Variants in ZNF460 observed in about 807,000 individuals in gnomAD.
ZNF460 encodes the protein zinc finger protein 272.
Under a neutral mutation model 8.4 loss-of-function variants are expected in ZNF460, and 1 was observed. The observed-to-expected ratio is 0.12, with a 90% CI of 0.04 to 0.56. ZNF460 has a LOEUF of 0.56. Ranked by LOEUF, ZNF460 falls within the 20% of genes least tolerant of loss-of-function variation. The pLI is 0.91. For synonymous variants in ZNF460, 262 were observed against 259.9 expected (o/e 1.01, Z -0.08); for missense variants, 477 against 714.8 (o/e 0.67, Z 3.79).
Position 57,291,789 on chromosome 19 carries a change from A to T in ZNF460, c.1248A>T (p.Gly416=), listed in dbSNP as rs1037856368. The change falls in exon 3 of 3, where the codon GGA becomes GGT. Residue 416 remains glycine (G), a synonymous_variant. Transcript: ENST00000360338. This position sits in a 1 kb window ranked among gnomAD's most constrained non-coding sequence, Gnocchi z 8.4. ...TTCGACACTTCAACATCCACACTGGAGAGAAGCCCTATGAGTGTTTACAGT... is the reference window on the plus strand; with the variant it reads ...TTCGACACTTCAACATCCACACTGGTGAGAAGCCCTATGAGTGTTTACAGT... ...DLIRHFNIHT[G]EKPYECLQCG... 6.2e-7 allele frequency: 1 copy of T among 1,614,162 alleles called. No homozygotes were observed. Among genetic ancestry groups the T allele is most frequent in the Non-Finnish European group, 8.5e-7 (1 of 1,180,032 alleles).
At chr19:57,289,957 A>C (rs964037975) in intron 2 of ZNF460, among the ~76,000 whole-genome samples, 1 of 151,956 alleles carries the variant, frequency 6.6e-6, no homozygotes, top group African/African-American at 2.4e-5. Context: ...TCTGGCCAAC[A>C]TGGTGAGACC....
intron 2 of ZNF460, among the ~76,000 whole-genome samples, chr19:57,286,228 T>C (rs915476294): frequency 6.6e-6 from 1 of 152,216 alleles, no homozygotes; most frequent in African/African-American, 2.4e-5. Context: ...ATGTGCTCAC[T>C]TTTTGTCTGT....
At chr19:57,287,003 C>A (rs977612770) in intron 2 of ZNF460, among the ~76,000 whole-genome samples, 1 of 149,314 alleles carries the variant, frequency 6.7e-6, no homozygotes, top group Admixed American at 6.7e-5. Flanking sequence ...TGAATTTTTG[C>A]TTATGTATAA....
At position 57,284,514 on chromosome 19, in the gene ZNF460, G is replaced by A. The variant is rs926889265; in HGVS notation, c.31-37G>A. ...CAGGTTCTAATCCTATTCCACAGTT[G>A]CAAAGGAAACATTACTGGTTCTTTT... On this transcript the variant is annotated intron_variant, in intron 1 of 2. Coordinates refer to ENST00000360338, the MANE Select transcript of ZNF460 (RefSeq NM_006635.4). 1.9e-6 allele frequency: 3 copies of A among 1,602,708 alleles called. No individual in the cohort carries two copies. In the Admixed American group the frequency reaches 5.2e-5, roughly 28 times the overall value.
chr19:57,285,687 A>T (rs1277174944), intron 2 of ZNF460, among the ~76,000 whole-genome samples: 1 of 152,142 alleles, frequency 6.6e-6, no homozygotes, highest in African/African-American at 2.4e-5. Flanking sequence ...TATGTGGCCA[A>T]ATCGCTATTT....
At chr19:57,283,502 C>CTTTTTTTTTTTTTT (rs926242067) in intron 1 of ZNF460, among the ~76,000 whole-genome samples, 1 of 68,550 alleles carries the variant, frequency 1.5e-5, no homozygotes, top group Non-Finnish European at 2.5e-5. Flanking sequence ...TTTGACTATT[C>CTTTTTTTTTTTTTT]TTTTTTTTTT....
At chr19:57,287,574 T>C (rs1277829708) in intron 2 of ZNF460, among the ~76,000 whole-genome samples, 3 of 152,136 alleles carry the variant, frequency 2.0e-5, no homozygotes, top group Non-Finnish European at 4.4e-5. Context: ...CTTCCCTCCT[T>C]GGCCTCCTAA....
chr19:57,292,336 A>T lies in ZNF460; in HGVS notation c.*106A>T. 6 of 1,184,466 alleles carry T rather than the reference A, an allele frequency of 5.1e-6. No homozygotes were observed. Among genetic ancestry groups the T allele is most frequent in the Non-Finnish European group, 7.1e-6 (6 of 842,488 alleles). 73.4% of individuals were successfully genotyped at this position (1,184,466 alleles called of 1,614,324 possible). A position where few individuals can be genotyped will look rare whatever the true frequency, so the allele number is the denominator to read the frequency against. On this transcript the variant is annotated 3_prime_UTR_variant, in exon 3 of 3. Transcript: ENST00000360338. ...ACTGAAGAAAATCTGTGGTGAGAGG[A>T]AACATCTTACCATCTGGTCATTCAT...
intron 1 of ZNF460, 101 bp from the exon 2 acceptor site, chr19:57,284,450 C>T: frequency 6.9e-7 from 1 of 1,452,994 alleles, no homozygotes; most frequent in African/African-American, 1.4e-5. Flanking sequence ...GGTGATTTGG[C>T]CTTTGATTCT....
At chr19:57,281,034 A>T (rs1051277875) in intron 1 of ZNF460, among the ~76,000 whole-genome samples, 198 bp downstream of exon 1, 5 of 152,136 alleles carry the variant, frequency 3.3e-5, no homozygotes, top group African/African-American at 1.2e-4. Context: ...TCCGTGGTTG[A>T]AGGAGTGATG....
At chr19:57,284,823 T>TTC in intron 2 of ZNF460, 146 bp downstream of exon 2, 1 of 1,017,592 alleles carries the variant, frequency 9.8e-7, no homozygotes, top group Non-Finnish European at 1.3e-6. Flanking sequence ...ATTTTTTTTT[T>TTC]TTTTTTTTTG....
Position 57,291,458 on chromosome 19 carries a change from A to T in ZNF460, c.917A>T (p.Lys306Ile). The T allele has an allele frequency of 6.2e-7, 1 of 1,614,020 alleles. No homozygotes were observed. Among genetic ancestry groups the T allele is most frequent in the Non-Finnish European group, 8.5e-7 (1 of 1,179,922 alleles). The change falls in exon 3 of 3, where the codon AAA becomes ATA. Residue 306 changes from lysine to isoleucine, a missense_variant. By Grantham distance (102) the Lys-to-Ile change is moderately radical. Transcript: ENST00000360338. The surrounding 1 kb of genome is among the most constrained non-coding windows in gnomAD (Gnocchi z 8.4). Reference protein sequence around the residue: ...VLHNKSHNEKKPFACSECGKG... With the variant: ...VLHNKSHNEKIPFACSECGKG... ...CATAACAAGAGCCACAATGAGAAGA[A>T]ACCCTTCGCATGCAGCGAATGTGGA...
At chr19:57,282,434 G>A (rs760596015) in intron 1 of ZNF460, among the ~76,000 whole-genome samples, 1 of 152,156 alleles carries the variant, frequency 6.6e-6, no homozygotes, top group East Asian at 1.9e-4. Context: ...AAAAGGAAGC[G>A]ATGGCTCATT....
In ZNF460 at chr19:57,292,400, A is replaced by T. The variant is rs2087925330; in HGVS notation, c.*170A>T. On this transcript the variant is annotated 3_prime_UTR_variant, in exon 3 of 3. Coordinates refer to ENST00000360338, the MANE Select transcript of ZNF460 (RefSeq NM_006635.4). ...TCCATAAGTATCATCTCTGTGGGAAAACCTGTTTTAGATCATCATTTGTCA... is the reference window on the plus strand; with the variant it reads ...TCCATAAGTATCATCTCTGTGGGAATACCTGTTTTAGATCATCATTTGTCA... 1 of 694,400 alleles carries T rather than the reference A, an allele frequency of 1.4e-6. No individual in the cohort carries two copies. The highest frequency in any genetic ancestry group is 1.8e-5 in the African/African-American group (1 of 55,918). 43.0% of individuals were successfully genotyped at this position (694,400 alleles called of 1,614,324 possible). A position where few individuals can be genotyped will look rare whatever the true frequency, so the allele number is the denominator to read the frequency against.
chr19:57,283,559 T>G (rs1191231092), intron 1 of ZNF460, among the ~76,000 whole-genome samples: 1 of 130,920 alleles, frequency 7.6e-6, no homozygotes, highest in Non-Finnish European at 1.5e-5. Flanking sequence ...TGGAGTACAG[T>G]GACACAGTCT....
In ZNF460 at chr19:57,293,776, C is replaced by T. The variant is rs1344023170; in HGVS notation, c.*1546C>T. On this transcript the variant is annotated 3_prime_UTR_variant, in exon 3 of 3. Coordinates refer to ENST00000360338, the MANE Select transcript of ZNF460 (RefSeq NM_006635.4). ...TTTGTTAACCAATCTCTATCTGCCT[C>T]TCTGCTGTCCTTCCCAGCCTCTGGT... 3.9e-5 allele frequency: 6 copies of T among 152,200 alleles called. No homozygotes were observed. Among genetic ancestry groups the T allele is most frequent in the Admixed American group, 2.0e-4 (3 of 15,276 alleles). The allele number at this position is 152,200 out of a possible 1,614,324, so 9.4% of individuals were successfully genotyped here. A position where few individuals can be genotyped will look rare whatever the true frequency, so the allele number is the denominator to read the frequency against.
chr19:57,289,445 C>T (rs976653761), intron 2 of ZNF460, among the ~76,000 whole-genome samples: 2 of 152,166 alleles, frequency 1.3e-5, no homozygotes, highest in African/African-American at 4.8e-5. Flanking sequence ...TGTCCTAAGG[C>T]TAATATGTCC....
Position 57,280,511 on chromosome 19 carries a change from G to A in ZNF460, c.-296G>A, listed in dbSNP as rs1452180805. ...AAACAGTGTGGGGCCTAGAGCGCTGGGTGGGCGCGTTCTGCGGCCTGAGCA... is the reference window on the plus strand; with the variant it reads ...AAACAGTGTGGGGCCTAGAGCGCTGAGTGGGCGCGTTCTGCGGCCTGAGCA... On this transcript the variant is annotated 5_prime_UTR_variant, in exon 1 of 3. Transcript: ENST00000360338. 6 of 497,588 alleles carry A rather than the reference G, an allele frequency of 1.2e-5. 1 individual carries two copies. Among genetic ancestry groups the A allele is most frequent in the Non-Finnish European group, 2.2e-5 (6 of 274,876 alleles). 30.8% of individuals were successfully genotyped at this position (497,588 alleles called of 1,614,324 possible).
chr19:57,289,408 G>A (rs572921048), intron 2 of ZNF460, among the ~76,000 whole-genome samples: 2 of 152,234 alleles, frequency 1.3e-5, no homozygotes, highest in African/African-American at 4.8e-5. Flanking sequence ...TGGATTCGCT[G>A]AAGACTCTGT....
Sources: allele counts gnomAD v4.1 joint callset (sites outside exome capture counted in the v4.1 genomes callset), GRCh38; gene constraint gnomAD v4.1.1; non-coding constraint Gnocchi (gnomAD v3.1); transcripts MANE v1.5; gene names NCBI Gene and HGNC (gene_info 2026-07-23, HGNC 2026-07-21).